Variants in SLC9D1 observed in about 807,000 individuals in gnomAD.
SLC9D1 encodes the protein putative LAG1-interacting protein.
chr13:113,502,762 G>A, the SLC9D1 span, among the ~76,000 whole-genome samples: 3 of 152,340 alleles, frequency 2.0e-5, no homozygotes, highest in Admixed American at 2.0e-4. Flanking sequence ...GGGACGGGGA[G>A]GAGTGCAGCC....
chr13:113,514,951 C>T, the SLC9D1 span, among the ~76,000 whole-genome samples: 3 of 152,198 alleles, frequency 2.0e-5, no homozygotes, highest in East Asian at 1.9e-4. Context: ...ACCCTGGCCT[C>T]GAGCAGTCCT....
the SLC9D1 span, among the ~76,000 whole-genome samples, chr13:113,521,680 G>T: frequency 6.6e-6 from 1 of 152,068 alleles, no homozygotes; most frequent in Admixed American, 6.5e-5. Context: ...GCACCTGCTT[G>T]GGTTCGTATG....
At chr13:113,535,810 C>G in the SLC9D1 span, among the ~76,000 whole-genome samples, 3 of 151,518 alleles carry the variant, frequency 2.0e-5, no homozygotes, top group Non-Finnish European at 4.4e-5. This position sits in a 1 kb window ranked among gnomAD's most constrained non-coding sequence, Gnocchi z 4.1. Context: ...CACTCGCTGT[C>G]TTCGCTGTGT....
chr13:113,507,174 C>T, the SLC9D1 span, among the ~76,000 whole-genome samples: 9 of 152,092 alleles, frequency 5.9e-5, no homozygotes, highest in African/African-American at 2.2e-4. Context: ...CACCCGTTGC[C>T]GAGCCTGTGC....
At chr13:113,498,516 A>G in the SLC9D1 span, 2 of 1,583,858 alleles carry the variant, frequency 1.3e-6, no homozygotes, top group African/African-American at 1.4e-5. Flanking sequence ...TGACGACAAT[A>G]AATCAGTAAG....
At chr13:113,538,544 G>A in the SLC9D1 span, among the ~76,000 whole-genome samples, 4 of 152,266 alleles carry the variant, frequency 2.6e-5, no homozygotes, top group Admixed American at 6.5e-5. Context: ...CCGCTCCGCC[G>A]TGCTGAGCCC....
At chr13:113,546,599 G>T in the SLC9D1 span, among the ~76,000 whole-genome samples, 1 of 152,140 alleles carries the variant, frequency 6.6e-6, no homozygotes, top group South Asian at 2.1e-4. This position sits in a 1 kb window ranked among gnomAD's most constrained non-coding sequence, Gnocchi z 7.1. Flanking sequence ...GGCCTGCTCC[G>T]TGCACCTAAC....
chr13:113,531,716 C>T, the SLC9D1 span, among the ~76,000 whole-genome samples: 3 of 151,828 alleles, frequency 2.0e-5, no homozygotes, highest in Non-Finnish European at 2.9e-5. Flanking sequence ...GCAGCACGCA[C>T]GTGGACCTGC....
chr13:113,534,118 T>C, the SLC9D1 span: 1 of 1,613,272 alleles, frequency 6.2e-7, no homozygotes, highest in Non-Finnish European at 8.5e-7. Context: ...GGTTTTTCTT[T>C]TATGTCTTGT....
the SLC9D1 span, chr13:113,498,349 CA>C: frequency 6.5e-7 from 1 of 1,540,342 alleles, no homozygotes; most frequent in Non-Finnish European, 8.7e-7. Context: ...TAGGAAGAAA[CA>C]GAATATATGG....
the SLC9D1 span, chr13:113,504,591 A>AT: frequency 1.3e-5 from 2 of 152,128 alleles, no homozygotes; most frequent in Non-Finnish European, 2.9e-5. Flanking sequence ...ACGACGTTTG[A>AT]TTTTCCATTC....
chr13:113,519,044 C>CT, the SLC9D1 span, among the ~76,000 whole-genome samples: 607 of 135,654 alleles, frequency 4.5e-3, 2 homozygotes, highest in African/African-American at 9.3e-3. Context: ...ATAACAGTAG[C>CT]TTTTTTTTTT....
At chr13:113,537,020 C>A in the SLC9D1 span, among the ~76,000 whole-genome samples, 1 of 152,200 alleles carries the variant, frequency 6.6e-6, no homozygotes, top group African/African-American at 2.4e-5. Flanking sequence ...GCGTCCACTT[C>A]CCGATGGCTG....
chr13:113,533,610 C>A, the SLC9D1 span, among the ~76,000 whole-genome samples: 1 of 152,190 alleles, frequency 6.6e-6, no homozygotes, highest in Non-Finnish European at 1.5e-5. Context: ...AGACACAGAC[C>A]TCAGAGCTGG....
At chr13:113,529,927 A>G in the SLC9D1 span, 1 of 152,262 alleles carries the variant, frequency 6.6e-6, no homozygotes, top group Non-Finnish European at 1.5e-5. Flanking sequence ...TTGTACCTGA[A>G]TGTTCAAGCA....
At chr13:113,524,882 G>T in the SLC9D1 span, among the ~76,000 whole-genome samples, 1 of 151,726 alleles carries the variant, frequency 6.6e-6, no homozygotes, top group Non-Finnish European at 1.5e-5. Flanking sequence ...TACATATCAG[G>T]TAAATATTGA....
the SLC9D1 span, among the ~76,000 whole-genome samples, chr13:113,519,660 G>A: frequency 4.6e-5 from 7 of 151,810 alleles, no homozygotes; most frequent in Middle Eastern, 3.2e-3. Context: ...GCTTGGGTGC[G>A]TCTGCACCAT....
chr13:113,544,050 G>A, the SLC9D1 span, among the ~76,000 whole-genome samples: 314 of 152,346 alleles, frequency 2.1e-3, 1 homozygote, highest in African/African-American at 7.1e-3. Flanking sequence ...GCCTCTGTGC[G>A]TGGGACCCGA....
At chr13:113,532,080 C>T in the SLC9D1 span, among the ~76,000 whole-genome samples, 4 of 152,136 alleles carry the variant, frequency 2.6e-5, no homozygotes, top group Admixed American at 1.3e-4. Flanking sequence ...ACCAGGCTGC[C>T]ATAATAGGTG....
Sources: allele counts gnomAD v4.1 joint callset (sites outside exome capture counted in the v4.1 genomes callset), GRCh38; gene constraint gnomAD v4.1.1; non-coding constraint Gnocchi (gnomAD v3.1); transcripts MANE v1.5; gene names NCBI Gene and HGNC (gene_info 2026-07-23, HGNC 2026-07-21).